The following COG4 variants were observed in gnomAD, a reference collection of about 807,000 sequenced individuals.
The protein encoded by COG4 is conserved oligomeric Golgi complex subunit 4.
In COG4, 65 loss-of-function variants were observed where a neutral mutation model predicts 95.1. That is an observed-to-expected ratio of 0.68 (90% CI 0.56 to 0.84). The LOEUF (loss-of-function observed/expected upper bound fraction) is 0.84, where lower values mean the gene tolerates loss of function less well. Ranked by LOEUF, COG4 falls within the 40% of genes least tolerant of loss-of-function variation. The pLI is 0.00. For missense variants in COG4, 1,045 were observed against 989.1 expected, an observed-to-expected ratio of 1.06 and a Z score of -0.76; for synonymous variants, 421 against 374.8, an observed-to-expected ratio of 1.12 and a Z score of -1.42.
At chr16:70,489,098 T>C (rs2049192401) in intron 13 of COG4, among the ~76,000 whole-genome samples, 1 of 152,230 alleles carries the variant, frequency 6.6e-6, no homozygotes, top group African/African-American at 2.4e-5. Flanking sequence ...ATTTCCACTA[T>C]ACTCTGCTTC....
intron 16 of COG4, 52 bp downstream of exon 16, chr16:70,482,035 GCTGGT>G (rs2049008432): frequency 6.8e-7 from 1 of 1,460,262 alleles, no homozygotes. Context: ...CCTGCAGGCT[GCTGGT>G]TTGGGCTGAC....
chr16:70,497,102 C>G (rs1464509425), intron 11 of COG4, 119 bp downstream of exon 11: 7 of 1,003,244 alleles, frequency 7.0e-6, no homozygotes, highest in Non-Finnish European at 9.2e-6. Context: ...GGGATAGGAG[C>G]TGATGTCCTG....
chr16:70,503,391 A>G (rs1190670195), intron 8 of COG4, among the ~76,000 whole-genome samples: 1 of 152,096 alleles, frequency 6.6e-6, no homozygotes, highest in African/African-American at 2.4e-5. Flanking sequence ...TGGTCATATC[A>G]TATAGTTTCC....
At chr16:70,518,078 G>C (rs550371818) in intron 2 of COG4, among the ~76,000 whole-genome samples, 154 of 150,540 alleles carry the variant, frequency 1.0e-3, no homozygotes, top group Non-Finnish European at 1.8e-3. Context: ...CTACAGGCGC[G>C]TGCCACCAAG....
intron 5 of COG4, among the ~76,000 whole-genome samples, chr16:70,510,248 T>G (rs2049672851): frequency 6.6e-6 from 1 of 152,200 alleles, no homozygotes; most frequent in Non-Finnish European, 1.5e-5. Context: ...TTTTCTTCTC[T>G]TGGAAAATAT....
intron 12 of COG4, among the ~76,000 whole-genome samples, chr16:70,495,554 C>T (rs757771051): frequency 2.0e-5 from 3 of 152,010 alleles, no homozygotes; most frequent in South Asian, 2.1e-4. Context: ...ACTCAGGGTG[C>T]GGCCAATGTG....
chr16:70,502,508 G>C (rs993319440), intron 8 of COG4, among the ~76,000 whole-genome samples: 1 of 136,474 alleles, frequency 7.3e-6, no homozygotes, highest in African/African-American at 2.6e-5. Flanking sequence ...GGCTGAGGCG[G>C]GAGAGTCGCT....
intron 10 of COG4, 80 bp from the exon 11 acceptor site, chr16:70,497,467 A>G: frequency 7.5e-7 from 1 of 1,337,004 alleles, no homozygotes; most frequent in Non-Finnish European, 1.1e-6. Context: ...CACTGGCCCT[A>G]GCTCTGCTCC....
intron 5 of COG4, among the ~76,000 whole-genome samples, chr16:70,512,012 T>C (rs2049716914): frequency 6.8e-6 from 1 of 147,154 alleles, no homozygotes; most frequent in Non-Finnish European, 1.5e-5. Context: ...CTGTTGGAAA[T>C]GAATGTGCAC....
chr16:70,505,996 A>G (rs1453627424), intron 8 of COG4, among the ~76,000 whole-genome samples: 1 of 151,564 alleles, frequency 6.6e-6, no homozygotes, highest in East Asian at 2.0e-4. Flanking sequence ...AAATTAAAAA[A>G]TTGGCCGGGT....
intron 12 of COG4, among the ~76,000 whole-genome samples, chr16:70,494,764 TAA>T (rs2049306808): frequency 1.3e-5 from 2 of 152,114 alleles, no homozygotes; most frequent in Non-Finnish European, 2.9e-5. Context: ...ACAAACAAAA[TAA>T]AAATTTAAGT....
rs2048974268 is a variant in COG4 at position 70,480,833 on chromosome 16, C to T, written c.*177G>A. ...TGCTGCCCCCAGAGCATCACCTGGCCAGGTCTGAGGGCAGAGCATGGAGTG... is the reference window on the plus strand; with the variant it reads ...TGCTGCCCCCAGAGCATCACCTGGCTAGGTCTGAGGGCAGAGCATGGAGTG... On this transcript the variant is annotated 3_prime_UTR_variant, in exon 19 of 19. Transcript: ENST00000323786. 1 of 701,454 alleles carries T rather than the reference C, an allele frequency of 1.4e-6. No homozygotes were observed. Among genetic ancestry groups the T allele is most frequent in the Admixed American group, 2.6e-5 (1 of 39,168 alleles). 43.5% of individuals were successfully genotyped at this position (701,454 alleles called of 1,614,324 possible).
At chr16:70,523,158 G>C (rs1411819169) in intron 1 of COG4, 3 of 595,830 alleles carry the variant, frequency 5.0e-6, no homozygotes, top group Non-Finnish European at 9.0e-6. Context: ...AGAGGCTGCA[G>C]ATCGCCCAGG....
At chr16:70,505,197 CTTTT>C (rs767606425) in intron 8 of COG4, among the ~76,000 whole-genome samples, 5 of 122,660 alleles carry the variant, frequency 4.1e-5, no homozygotes, top group African/African-American at 6.6e-5. Context: ...TTTGGATTTT[CTTTT>C]TTTTTTTTTT....
chr16:70,523,190 CGCGTCCGACA>C, intron 1 of COG4, 173 bp downstream of exon 1: 1 of 665,454 alleles, frequency 1.5e-6, no homozygotes, highest in Non-Finnish European at 2.6e-6. Flanking sequence ...ACAAGCTCGG[CGCGTCCGACA>C]GCGTGAAAAG....
chr16:70,523,086 C>T (rs2049986511), intron 1 of COG4: 3 of 487,250 alleles, frequency 6.2e-6, no homozygotes, highest in Admixed American at 3.4e-5. Flanking sequence ...CTCAGACTAA[C>T]TTTACTCCCG....
rs185299854 is a variant in COG4 at position 70,498,490 on chromosome 16, G to A, written c.1196-435C>T. Among the ~76,000 whole-genome samples the A allele has an allele frequency of 1.7e-4, 26 of 151,960 alleles. 1 individual carries two copies. The East Asian group carries it at 3.1e-3, about 18-fold the overall frequency. On this transcript the variant is annotated intron_variant, in intron 9 of 18. Transcript: ENST00000323786. ...ATTACAGGCATGCACCACCACGCCC[G>A]GCAAATTTTGTATTTTTAGTAGAGA...
chr16:70,522,871 T>G (rs772076948), intron 1 of COG4, among the ~76,000 whole-genome samples: 4 of 152,132 alleles, frequency 2.6e-5, no homozygotes, highest in Non-Finnish European at 5.9e-5. Flanking sequence ...AAGCTAAACC[T>G]CTACAAAGAT....
chr16:70,500,866 T>A, intron 9 of COG4, 92 bp downstream of exon 9: 1 of 1,509,016 alleles, frequency 6.6e-7, no homozygotes, highest in East Asian at 2.3e-5. Context: ...AAGTTCCAAT[T>A]GTTTCCTTAA....
Sources: allele counts gnomAD v4.1 joint callset (sites outside exome capture counted in the v4.1 genomes callset), GRCh38; gene constraint gnomAD v4.1.1; transcripts MANE v1.5; gene names NCBI Gene and HGNC (gene_info 2026-07-23, HGNC 2026-07-21).